The following ESF1 variants were observed in gnomAD, a reference collection of about 807,000 sequenced individuals.
ESF1 encodes ESF1 nucleolar pre-rRNA processing protein.
A neutral mutation model predicts 92.0 loss-of-function variants in ESF1; 58 were observed. The observed-to-expected ratio is 0.63, with a 90% CI of 0.51 to 0.78. The LOEUF (loss-of-function observed/expected upper bound fraction) is 0.78, where lower values mean the gene tolerates loss of function less well. Ranked by LOEUF, ESF1 falls within the 30% of genes least tolerant of loss-of-function variation. The pLI is 0.00. For synonymous variants in ESF1, 321 were observed against 313.7 expected (o/e 1.02, Z -0.24); for missense variants, 922 against 989.1 (o/e 0.93, Z 0.91).
At chr20:13,760,328 G>A (rs544924725) in intron 8 of ESF1, among the ~76,000 whole-genome samples, 20 of 149,590 alleles carry the variant, frequency 1.3e-4, no homozygotes, top group East Asian at 6.0e-4. Context: ...CTTCCCGGCC[G>A]CCATCCCATC....
At chr20:13,752,853 C>T (rs1324735090) in intron 9 of ESF1, among the ~76,000 whole-genome samples, 3 of 151,992 alleles carry the variant, frequency 2.0e-5, no homozygotes, top group African/African-American at 7.2e-5. Flanking sequence ...AAAAGCAGAA[C>T]AAAGGAAGAG....
chr20:13,766,747 C>T (rs1373489480), intron 8 of ESF1, 30 bp downstream of exon 8: 1 of 1,608,688 alleles, frequency 6.2e-7, no homozygotes, highest in Non-Finnish European at 8.5e-7. Flanking sequence ...GACCTATGTC[C>T]ATTAATGGTC....
intron 9 of ESF1, among the ~76,000 whole-genome samples, chr20:13,755,560 C>T (rs1978855341): frequency 6.6e-6 from 1 of 152,134 alleles, no homozygotes; most frequent in Non-Finnish European, 1.5e-5. Flanking sequence ...AGTAAGTTGG[C>T]AGGATACCTT....
chr20:13,783,184 C>G lies in ESF1; in HGVS notation c.-43-1G>C. The G allele has an allele frequency of 9.7e-6, 15 of 1,545,952 alleles. No homozygotes were observed. The highest frequency in any genetic ancestry group is 1.3e-5 in the Non-Finnish European group (15 of 1,145,670). On this transcript the variant is annotated splice_acceptor_variant, in intron 1 of 13. Transcript: ENST00000617257. LOFTEE classifies it low-confidence loss of function (5UTR_SPLICE). ...ACCAAATGCTTGAAGAAAACAAATACTGAAAAATAAAACAAATGTTTTAAT... is the reference window on the plus strand; with the variant it reads ...ACCAAATGCTTGAAGAAAACAAATAGTGAAAAATAAAACAAATGTTTTAAT...
Position 13,766,877 on chromosome 20 carries a change from G to C in ESF1, c.1566C>G (p.Leu522=). 6.2e-7 allele frequency: 1 copy of C among 1,613,682 alleles called. No individual in the cohort carries two copies. The change falls in exon 8 of 14, where the codon CTC becomes CTG. Residue 522 remains leucine (L), a synonymous_variant. Transcript: ENST00000617257. Reference sequence around the variant, plus strand: ...GCTCTTCCTTTTTAAACTTCCTGTTGAGCATTGTAATTCTTTCATGATCAG... The same window carrying C: ...GCTCTTCCTTTTTAAACTTCCTGTTCAGCATTGTAATTCTTTCATGATCAG... ...DETDHERITM[L]NRKFKKEELL...
Position 13,716,155 on chromosome 20 carries a change from T to C in ESF1, c.2263-988A>G, listed in dbSNP as rs1051670167. The stretch of plus-strand genomic sequence containing the variant: ...TTGAACAAATTTAAAATTTCCCAAA[T>C]TTCCCCCATCTTACTCAGGGTCAGT... On this transcript the variant is annotated intron_variant, in intron 13 of 13. Coordinates refer to ENST00000617257, the MANE Select transcript of ESF1 (RefSeq NM_001276380.2). Among the ~76,000 whole-genome samples the C allele has an allele frequency of 1.3e-4, 20 of 152,242 alleles. 1 individual carries two copies. The highest frequency in any genetic ancestry group is 4.8e-4 in the African/African-American group (20 of 41,540).
At chr20:13,726,832 TCAAAA>T (rs36210106) in intron 11 of ESF1, among the ~76,000 whole-genome samples, 3,604 of 151,418 alleles carry the variant, frequency 0.024, 128 homozygotes, top group African/African-American at 0.079. Context: ...TTTTGCTTTT[TCAAAA>T]CAAAACAAAA....
At chr20:13,722,724 T>C (rs2049876287) in intron 11 of ESF1, among the ~76,000 whole-genome samples, 4 of 151,710 alleles carry the variant, frequency 2.6e-5, no homozygotes, top group Non-Finnish European at 5.9e-5. Context: ...TGGTGGTGTA[T>C]GCCTGCAGTC....
At chr20:13,748,515 T>TATACAC (rs1234485461) in intron 9 of ESF1, among the ~76,000 whole-genome samples, 5 of 133,162 alleles carry the variant, frequency 3.8e-5, no homozygotes, top group African/African-American at 1.5e-4. Flanking sequence ...CACATATATA[T>TATACAC]ACACATATAT....
At chr20:13,731,861 C>A (rs1023965463) in intron 10 of ESF1, among the ~76,000 whole-genome samples, 1 of 152,192 alleles carries the variant, frequency 6.6e-6, no homozygotes, top group East Asian at 1.9e-4. Flanking sequence ...ACCCGAGAAA[C>A]GAGTTCACAG....
intron 6 of ESF1, among the ~76,000 whole-genome samples, chr20:13,771,109 T>C (rs1015459511): frequency 3.3e-5 from 5 of 152,212 alleles, no homozygotes; most frequent in Non-Finnish European, 7.3e-5. Flanking sequence ...AGAGCCAATA[T>C]GTCTGAAAGG....
At chr20:13,723,797 G>A (rs1327948161) in intron 11 of ESF1, among the ~76,000 whole-genome samples, 4 of 152,148 alleles carry the variant, frequency 2.6e-5, no homozygotes, top group African/African-American at 9.7e-5. Flanking sequence ...ACTGTACACT[G>A]AAAACACTAG....
At chr20:13,750,936 TTCAGC>T (rs1215813539) in intron 9 of ESF1, among the ~76,000 whole-genome samples, 5 of 152,194 alleles carry the variant, frequency 3.3e-5, no homozygotes, top group African/African-American at 1.2e-4. Context: ...ACCACTGCAT[TTCAGC>T]CTGGGCAACA....
intron 11 of ESF1, among the ~76,000 whole-genome samples, chr20:13,721,525 T>C (rs1288190255): frequency 3.3e-5 from 5 of 152,082 alleles, no homozygotes; most frequent in African/African-American, 1.2e-4. Flanking sequence ...AGGGAGGTGA[T>C]ATGTGAGAAC....
At chr20:13,750,035 A>G (rs1978557679) in intron 9 of ESF1, among the ~76,000 whole-genome samples, 1 of 152,196 alleles carries the variant, frequency 6.6e-6, no homozygotes, top group Non-Finnish European at 1.5e-5. Context: ...TTCACCACAG[A>G]CCTCAATTCC....
At chr20:13,759,591 G>GT (rs1979059923) in intron 9 of ESF1, 101 bp downstream of exon 9, 1 of 1,461,022 alleles carries the variant, frequency 6.8e-7, no homozygotes, top group Non-Finnish European at 9.0e-7. Context: ...CAAATATGAT[G>GT]TTAAGGTCCT....
intron 2 of ESF1, among the ~76,000 whole-genome samples, chr20:13,778,908 T>C (rs1052142937): frequency 6.6e-5 from 10 of 152,094 alleles, no homozygotes; most frequent in African/African-American, 2.4e-4. Flanking sequence ...TAGCTAGGCA[T>C]GGTGGGGTGC....
chr20:13,748,592 A>ATATATATTTTTTTTT (rs1331098586), intron 9 of ESF1, among the ~76,000 whole-genome samples: 1 of 95,736 alleles, frequency 1.0e-5, no homozygotes, highest in African/African-American at 6.4e-5. Context: ...ATATATATAT[A>ATATATATTTTTTTTT]TTTTTTTTTT....
chr20:13,725,040 C>T (rs957480883), intron 11 of ESF1, among the ~76,000 whole-genome samples: 24 of 152,160 alleles, frequency 1.6e-4, no homozygotes, highest in Non-Finnish European at 3.2e-4. Flanking sequence ...CCATTTTCAG[C>T]CATCCAGACC....
Sources: gnomAD v4.1 joint callset for allele counts (sites outside exome capture counted in the v4.1 genomes callset) on GRCh38, gnomAD v4.1.1 for gene constraint, MANE v1.5 for transcripts, NCBI Gene and HGNC (gene_info 2026-07-23, HGNC 2026-07-21) for gene names.